CEMIP2: variants seen among roughly 807,000 people sequenced by gnomAD.
CEMIP2 encodes the protein cell migration inducing hyaluronidase 2, also known as cell surface hyaluronidase CEMIP2.
A neutral mutation model predicts 146.9 loss-of-function variants in CEMIP2; 79 were observed. The ratio of observed to expected loss-of-function variants is 0.54; its 90% CI spans 0.45 to 0.65. CEMIP2 has a LOEUF of 0.65. Ranked by LOEUF, CEMIP2 falls within the 30% of genes least tolerant of loss-of-function variation. CEMIP2 has a pLI of 0.00. For missense variants in CEMIP2, 1,596 were observed against 1,696.2 expected, an observed-to-expected ratio of 0.94 and a Z score of 1.04; for synonymous variants, 601 against 606.3, an observed-to-expected ratio of 0.99 and a Z score of 0.13.
chr9:71,694,099 T>TTTTA (rs77361296), intron 21 of CEMIP2, among the ~76,000 whole-genome samples: 37,534 of 145,164 alleles, frequency 0.26, 5,014 homozygotes, highest in East Asian at 0.38. Flanking sequence ...TGTTGTTTAT[T>TTTTA]TTTATTTATT....
chr9:71,769,079 C>G (rs1000282173), upstream of CEMIP2, among the ~76,000 whole-genome samples: 1 of 152,134 alleles, frequency 6.6e-6, no homozygotes, highest in Non-Finnish European at 1.5e-5. Flanking sequence ...AGCGCACTGC[C>G]GGCGGGGCAG....
At chr9:71,763,115 A>C (rs779941461) in intron 1 of CEMIP2, among the ~76,000 whole-genome samples, 7 of 152,186 alleles carry the variant, frequency 4.6e-5, no homozygotes, top group East Asian at 1.9e-4. Context: ...CTCCTGAAAC[A>C]GGAATCAGGC....
chr9:71,768,831 A>AG (rs1824883867), upstream of CEMIP2: 1 of 133,732 alleles, frequency 7.5e-6, no homozygotes, highest in African/African-American at 2.8e-5. Flanking sequence ...GCGGCTTGCT[A>AG]GGGTCGCGCT....
chr9:71,732,243 G>T, intron 7 of CEMIP2, 108 bp downstream of exon 7: 1 of 1,146,912 alleles, frequency 8.7e-7, no homozygotes, highest in South Asian at 1.7e-5. Flanking sequence ...AACAAAACAT[G>T]ATTTGCTTTT....
Position 71,745,521 on chromosome 9 carries a change from A to G in CEMIP2, c.531T>C (p.His177=), listed in dbSNP as rs776922520. Residue 177 remains histidine, a synonymous_variant, in exon 4 of 24, where the codon CAT becomes CAC. Transcript: ENST00000377044. ...DGSRNITLRT[H]YILIQDGGAL... Reference sequence around the variant, plus strand: ...CCCCACCATCCTGGATCAGGATGTAATGAGTCCTCAAAGTAATATTTCTGG... The same window carrying G: ...CCCCACCATCCTGGATCAGGATGTAGTGAGTCCTCAAAGTAATATTTCTGG... 2.5e-6 allele frequency: 4 copies of G among 1,613,424 alleles called. No individual in the cohort carries two copies. Among genetic ancestry groups the G allele is most frequent in the Non-Finnish European group, 3.4e-6 (4 of 1,179,994 alleles).
chr9:71,762,603 G>GA (rs1182666032), intron 1 of CEMIP2, among the ~76,000 whole-genome samples: 1 of 151,052 alleles, frequency 6.6e-6, no homozygotes, highest in African/African-American at 2.4e-5. Context: ...CAGGAGGCAA[G>GA]AAAAAACACT....
chr9:71,732,019 T>C (rs1186275959), intron 7 of CEMIP2, among the ~76,000 whole-genome samples: 1 of 152,208 alleles, frequency 6.6e-6, no homozygotes, highest in Non-Finnish European at 1.5e-5. Flanking sequence ...TAATTGATTC[T>C]TTCAGAAATC....
Position 71,698,040 on chromosome 9 carries a change from A to T in CEMIP2, c.3542T>A (p.Val1181Asp). The T allele has an allele frequency of 1.9e-6, 3 of 1,614,098 alleles. No homozygotes were observed. Among genetic ancestry groups the T allele is most frequent in the East Asian group, 2.2e-5 (1 of 44,880 alleles). ...AGTGAGCATGGCCGGCATCCGCTTG[A>T]CCACTGACGGCTTTCTGTAGTACTG... ...YPQYYRKPSVVKRMPAMLTGL... is the reference protein window; with the variant it reads ...YPQYYRKPSVDKRMPAMLTGL... The change falls in exon 20 of 24, where the codon GTC becomes GAC. Residue 1181 changes from valine to aspartate, a missense_variant. Val to Asp is a radical substitution (Grantham distance 152). Coordinates refer to ENST00000377044, the MANE Select transcript of CEMIP2 (RefSeq NM_013390.3).
At chr9:71,690,801 A>G (rs1483867774) in intron 21 of CEMIP2, among the ~76,000 whole-genome samples, 1 of 152,244 alleles carries the variant, frequency 6.6e-6, no homozygotes, top group Non-Finnish European at 1.5e-5. Flanking sequence ...TTTAAGCTAC[A>G]AAGTACTACT....
intron 15 of CEMIP2, among the ~76,000 whole-genome samples, 165 bp downstream of exon 15, chr9:71,714,769 G>T (rs1186815071): frequency 6.6e-6 from 1 of 152,170 alleles, no homozygotes; most frequent in Non-Finnish European, 1.5e-5. Context: ...AATTATAATA[G>T]TAGTAGCAGT....
Position 71,732,501 on chromosome 9 carries a change from G to T in CEMIP2, c.1413C>A (p.His471Gln). Reference protein sequence around the residue: ...VKVKETPQFLHMGEIIDGVDM... With the variant: ...VKVKETPQFLQMGEIIDGVDM... The stretch of plus-strand genomic sequence containing the variant: ...CTACACCGTCTATGATCTCACCCAT[G>T]TGCAGGAACTGAGGGGTTTCTGGTT... The change falls in exon 7 of 24, where the codon CAC (histidine) becomes CAA (glutamine). Residue 471 changes from histidine (H) to glutamine (Q), a missense_variant. By Grantham distance (24) the His-to-Gln change is conservative. Coordinates refer to ENST00000377044, the MANE Select transcript of CEMIP2 (RefSeq NM_013390.3). The T allele has an allele frequency of 6.2e-7, 1 of 1,604,200 alleles. No individual in the cohort carries two copies. The highest frequency in any genetic ancestry group is 8.5e-7 in the Non-Finnish European group (1 of 1,177,610).
Position 71,734,927 on chromosome 9 carries a change from AACATCAT to A in CEMIP2, c.1265_1271del (p.Asp422ValfsTer53). 6.2e-7 allele frequency: 1 copy of A among 1,613,966 alleles called. No individual in the cohort carries two copies. Among genetic ancestry groups the A allele is most frequent in the Non-Finnish European group, 8.5e-7 (1 of 1,179,976 alleles). On this transcript the variant is annotated frameshift_variant, in exon 6 of 24. Coordinates refer to ENST00000377044, the MANE Select transcript of CEMIP2 (RefSeq NM_013390.3). LOFTEE classifies it high-confidence loss of function. Reference sequence around the variant, plus strand: ...TCTGGTCTCCAGGTTTCCAACTACTAACATCATCTAGCAAATTTAGCTTCACTCCATC... The same window carrying A: ...TCTGGTCTCCAGGTTTCCAACTACTACTAGCAAATTTAGCTTCACTCCATC...
chr9:71,686,023 A>G, intron 22 of CEMIP2, 177 bp from the exon 23 acceptor site: 1 of 588,730 alleles, frequency 1.7e-6, no homozygotes, highest in South Asian at 2.1e-5. Context: ...CCCCACCACC[A>G]TGGGCTTCAC....
chr9:71,696,653 C>T (rs1822412465), intron 20 of CEMIP2, among the ~76,000 whole-genome samples: 1 of 151,926 alleles, frequency 6.6e-6, no homozygotes, highest in South Asian at 2.1e-4. Context: ...CACCTGTAGT[C>T]CCAGCTTCTC....
chr9:71,707,592 G>C (rs929859162), intron 17 of CEMIP2, among the ~76,000 whole-genome samples: 2 of 152,194 alleles, frequency 1.3e-5, no homozygotes, highest in South Asian at 4.1e-4. Flanking sequence ...TGAAAGCTCA[G>C]GTGGTGGAAA....
At chr9:71,747,480 G>C (rs62549294) in intron 2 of CEMIP2, among the ~76,000 whole-genome samples, 10,111 of 152,196 alleles carry the variant, frequency 0.066, 487 homozygotes, top group South Asian at 0.19. Context: ...ATTTAAATAA[G>C]AGGATCATGA....
chr9:71,709,481 A>G lies in CEMIP2; in HGVS notation c.2770-7T>C. The G allele has an allele frequency of 6.2e-7, 1 of 1,613,474 alleles. No homozygotes were observed. The highest frequency in any genetic ancestry group is 1.1e-5 in the South Asian group (1 of 91,054). On this transcript the variant is annotated splice_polypyrimidine_tract_variant and splice_region_variant and intron_variant, in intron 16 of 23. Coordinates refer to ENST00000377044, the MANE Select transcript of CEMIP2 (RefSeq NM_013390.3). Reference sequence around the variant, plus strand: ...AAAAGACATTCAGAGAGACCTGACCACAGTGAAAAAGAAAGACATCACAAA... The same window carrying G: ...AAAAGACATTCAGAGAGACCTGACCGCAGTGAAAAAGAAAGACATCACAAA...
intron 7 of CEMIP2, 178 bp from the exon 8 acceptor site, chr9:71,731,092 C>A: frequency 1.6e-6 from 1 of 620,434 alleles, no homozygotes; most frequent in Non-Finnish European, 2.8e-6. Flanking sequence ...TTTACAAAAG[C>A]AAATACTTTA....
intron 1 of CEMIP2, among the ~76,000 whole-genome samples, chr9:71,757,670 C>A (rs144618943): frequency 6.6e-6 from 1 of 152,292 alleles, no homozygotes; most frequent in East Asian, 1.9e-4. Flanking sequence ...ATTCCACATT[C>A]CCAACCTCCT....
Sources: allele counts gnomAD v4.1 joint callset (sites outside exome capture counted in the v4.1 genomes callset), GRCh38; gene constraint gnomAD v4.1.1; transcripts MANE v1.5; gene names NCBI Gene and HGNC (gene_info 2026-07-23, HGNC 2026-07-21).